The following DHX57 variants were observed in gnomAD, a reference collection of about 807,000 sequenced individuals.
The protein encoded by DHX57 is putative ATP-dependent RNA helicase DHX57.
A neutral mutation model predicts 156.2 loss-of-function variants in DHX57; 105 were observed. That is an observed-to-expected ratio of 0.67 (90% confidence interval 0.57 to 0.79). The LOEUF (loss-of-function observed/expected upper bound fraction) is 0.79, where lower values mean the gene tolerates loss of function less well. Among genes scored for constraint, DHX57 ranks in the 30% least tolerant of loss-of-function variants. The probability of loss-of-function intolerance (pLI) is 0.00; values close to 1 mark genes in which losing one functional copy is unlikely to be tolerated. For missense variants in DHX57, 1,847 were observed against 1,661.9 expected, an observed-to-expected ratio of 1.11 and a Z score of -1.94; for synonymous variants, 704 against 595.6, an observed-to-expected ratio of 1.18 and a Z score of -2.65.
intron 13 of DHX57, among the ~76,000 whole-genome samples, chr2:38,835,688 G>T (rs1671615148): frequency 6.6e-6 from 1 of 152,172 alleles, no homozygotes; most frequent in Non-Finnish European, 1.5e-5. Flanking sequence ...TTCTGATAGA[G>T]AGAACATCAT....
intron 1 of DHX57, among the ~76,000 whole-genome samples, chr2:38,873,789 AATAG>A (rs1442493391): frequency 6.6e-6 from 1 of 152,242 alleles, no homozygotes; most frequent in Non-Finnish European, 1.5e-5. Flanking sequence ...ACATTAAACA[AATAG>A]ATATATATTA....
rs760961267 is a variant in DHX57 at position 38,863,335 on chromosome 2, T to C, written c.383+26A>G. The C allele has an allele frequency of 1.1e-5, 18 of 1,597,732 alleles. No homozygotes were observed. In the South Asian group the frequency reaches 1.9e-4, roughly 17 times the overall value. ...TGCCAGTATGTTTTCCTTAATATAA[T>C]AATTGACTCAAATAAAACAATTTAC... On this transcript the variant is annotated intron_variant, in intron 3 of 23. Transcript: ENST00000457308.
At position 38,843,124 on chromosome 2, in the gene DHX57, G is replaced by A. The variant is rs774294850; in HGVS notation, c.2306C>T (p.Ala769Val). ...TAGGTCTTCTTCCACTTCTTCAAAT[G>A]CAGTTCTGTTCCGCCTTGCTTTAAG... Reference protein sequence around the residue: ...EKLKARRNRTAFEEVEEDLRL... With the variant: ...EKLKARRNRTVFEEVEEDLRL... Residue 769 changes from alanine to valine, a missense_variant, in exon 12 of 24, where the codon GCA becomes GTA. Ala to Val is a moderately conservative substitution (Grantham distance 64). Coordinates refer to ENST00000457308, the MANE Select transcript of DHX57 (RefSeq NM_198963.3). 1 of 1,614,182 alleles carries A rather than the reference G, an allele frequency of 6.2e-7. No homozygotes were observed. The highest frequency in any genetic ancestry group is 2.2e-5 in the East Asian group (1 of 44,886).
chr2:38,805,422 T>C (rs1394183660), intron 22 of DHX57, among the ~76,000 whole-genome samples: 2 of 152,154 alleles, frequency 1.3e-5, no homozygotes, highest in African/African-American at 2.4e-5. Flanking sequence ...GGAATTGACA[T>C]AGTCTAATTG....
Position 38,861,472 on chromosome 2 carries a change from C to A in DHX57, c.938G>T (p.Cys313Phe). The A allele has an allele frequency of 6.2e-7, 1 of 1,614,062 alleles. No individual in the cohort carries two copies. Among genetic ancestry groups the A allele is most frequent in the Non-Finnish European group, 8.5e-7 (1 of 1,180,028 alleles). ...GAATCTGCATTTTGATCCAAATTTA[C>A]AATTTCCTTTGAGGTAAAATTTACA... ...EICKFYLKGN[C>F]KFGSKCRFKH... The change falls in exon 5 of 24, where the codon TGT becomes TTT. Residue 313 changes from cysteine (C) to phenylalanine (F), a missense_variant. By Grantham distance (205) the Cys-to-Phe change is radical. Coordinates refer to ENST00000457308, the MANE Select transcript of DHX57 (RefSeq NM_198963.3).
At position 38,850,682 on chromosome 2, in the gene DHX57, G is replaced by A. The variant is rs962027679; in HGVS notation, c.2031-2280C>T. ...TTTAATTACATTTATGACTATTTTT[G>A]TTTCTTTTTCAGGGAAATAGTCCAA... On this transcript the variant is annotated intron_variant, in intron 9 of 23. Coordinates refer to ENST00000457308, the MANE Select transcript of DHX57 (RefSeq NM_198963.3). Among the ~76,000 whole-genome samples, 3 of 51,124 alleles carry A rather than the reference G, an allele frequency of 5.9e-5. No homozygotes were observed. The Admixed American group carries it at 9.3e-4, about 16-fold the overall frequency. The allele number at this position is 51,124 out of a possible 152,430, so 33.5% of individuals were successfully genotyped here.
intron 11 of DHX57, among the ~76,000 whole-genome samples, 174 bp downstream of exon 11, chr2:38,846,845 T>G (rs1266928549): frequency 1.3e-5 from 2 of 152,028 alleles, no homozygotes; most frequent in African/African-American, 4.8e-5. Context: ...TTTTCAAAGT[T>G]TCACTGAATC....
At chr2:38,822,053 C>A (rs1466934620) in intron 17 of DHX57, among the ~76,000 whole-genome samples, 1 of 152,124 alleles carries the variant, frequency 6.6e-6, no homozygotes, top group East Asian at 1.9e-4. Context: ...GCCCAGGTGG[C>A]TTTATACCAC....
At position 38,823,142 on chromosome 2, in the gene DHX57, G is replaced by C; in HGVS notation, c.3142C>G (p.Pro1048Ala). 6.2e-7 allele frequency: 1 copy of C among 1,614,136 alleles called. No individual in the cohort carries two copies. Among genetic ancestry groups the C allele is most frequent in the Non-Finnish European group, 8.5e-7 (1 of 1,180,028 alleles). ...IRLRDLGALTPDERLTPLGYH... is the reference protein window; with the variant it reads ...IRLRDLGALTADERLTPLGYH... ...CCAAGAGGGGTCAATCTTTCATCTG[G>C]AGTTAATGCTCCTAAGTCTCGTAAT... Residue 1048 changes from proline to alanine, a missense_variant, in exon 17 of 24, where the codon CCA becomes GCA. Coordinates refer to ENST00000457308, the MANE Select transcript of DHX57 (RefSeq NM_198963.3).
At chr2:38,872,314 A>G (rs1665393951) in intron 1 of DHX57, among the ~76,000 whole-genome samples, 1 of 152,268 alleles carries the variant, frequency 6.6e-6, no homozygotes. Flanking sequence ...TAAGAACAGA[A>G]GAAAAAATAG....
chr2:38,851,592 G>A (rs1355626085), intron 9 of DHX57, among the ~76,000 whole-genome samples: 2 of 151,998 alleles, frequency 1.3e-5, no homozygotes, highest in Non-Finnish European at 2.9e-5. Flanking sequence ...AACATCTTTT[G>A]AATTTTTAAC....
At chr2:38,819,700 C>T (rs1425440978) in intron 17 of DHX57, among the ~76,000 whole-genome samples, 1 of 152,196 alleles carries the variant, frequency 6.6e-6, no homozygotes, top group Non-Finnish European at 1.5e-5. Flanking sequence ...CAAGAGTCAT[C>T]AAAGAGCCAC....
At chr2:38,818,754 G>T in intron 19 of DHX57, 123 bp downstream of exon 19, 1 of 1,148,286 alleles carries the variant, frequency 8.7e-7, no homozygotes, top group Non-Finnish European at 1.2e-6. Context: ...GGCTGGTAAG[G>T]CCAAACATAT....
At chr2:38,798,920 G>A (rs1669529527) in intron 23 of DHX57, among the ~76,000 whole-genome samples, 1 of 152,100 alleles carries the variant, frequency 6.6e-6, no homozygotes. Flanking sequence ...TCCAGCCTGG[G>A]TGACATAGCG....
intron 13 of DHX57, 69 bp from the exon 14 acceptor site, chr2:38,828,505 T>C (rs1005897950): frequency 9.1e-7 from 1 of 1,098,702 alleles, no homozygotes; most frequent in Non-Finnish European, 1.3e-6. Flanking sequence ...AAAATTTTTT[T>C]AAAAAAGAAT....
rs1672322785 is a variant in DHX57 at position 38,847,001 on chromosome 2, A to C, written c.2219+18T>G. 6.2e-7 allele frequency: 1 copy of C among 1,604,746 alleles called. No individual in the cohort carries two copies. The highest frequency in any genetic ancestry group is 1.3e-5 in the African/African-American group (1 of 74,682). On this transcript the variant is annotated intron_variant, in intron 11 of 23. Coordinates refer to ENST00000457308, the MANE Select transcript of DHX57 (RefSeq NM_198963.3). ...ATGCCAGGTCCTTTCACTGAATCTT[A>C]ATTAATATCTTCCTTACCTTGTCAC...
At chr2:38,831,987 A>G (rs1161399360) in intron 13 of DHX57, among the ~76,000 whole-genome samples, 1 of 152,114 alleles carries the variant, frequency 6.6e-6, no homozygotes, top group Admixed American at 6.6e-5. Flanking sequence ...CCACCACTGC[A>G]CTCCAGCCTG....
At chr2:38,822,659 T>C (rs556685335) in intron 17 of DHX57, among the ~76,000 whole-genome samples, 35 of 152,258 alleles carry the variant, frequency 2.3e-4, no homozygotes, top group African/African-American at 8.4e-4. Flanking sequence ...CCTCCCAAAG[T>C]GCGGGGATTA....
At chr2:38,845,072 C>A (rs541615451) in intron 11 of DHX57, among the ~76,000 whole-genome samples, 6 of 152,194 alleles carry the variant, frequency 3.9e-5, no homozygotes, top group Admixed American at 3.3e-4. Flanking sequence ...TGGCACACAT[C>A]TGTAGTCCCA....
Sources: gnomAD v4.1 joint callset for allele counts (sites outside exome capture counted in the v4.1 genomes callset) on GRCh38, gnomAD v4.1.1 for gene constraint, MANE v1.5 for transcripts, NCBI Gene and HGNC (gene_info 2026-07-23, HGNC 2026-07-21) for gene names.